The following SETX variants were observed in gnomAD, a reference collection of about 807,000 sequenced individuals.
The protein encoded by SETX is senataxin, also known as helicase senataxin.
A neutral mutation model predicts 227.2 loss-of-function variants in SETX; 90 were observed. The ratio of observed to expected loss-of-function variants is 0.40; its 90% CI spans 0.33 to 0.47. SETX has a LOEUF of 0.47. Among genes scored for constraint, SETX ranks in the 20% least tolerant of loss-of-function variants. The pLI is 0.91. For missense variants in SETX, 3,052 were observed against 3,181.5 expected (o/e 0.96, Z 0.98); for synonymous variants, 1,210 against 1,113.2 (o/e 1.09, Z -1.73).
intron 25 of SETX, chr9:132,266,322 A>C (rs1178153155): frequency 1.3e-5 from 2 of 152,196 alleles, no homozygotes; most frequent in Non-Finnish European, 2.9e-5. Flanking sequence ...AGCATTTCTG[A>C]CCTTGGGGAG....
chr9:132,335,322 C>A (rs534144072), intron 6 of SETX, among the ~76,000 whole-genome samples: 2 of 122,110 alleles, frequency 1.6e-5, no homozygotes, highest in Admixed American at 2.3e-4. Context: ...ACCCAGGAGG[C>A]GGATCTTGCA....
At chr9:132,353,921 A>C (rs1045983087) in intron 1 of SETX, among the ~76,000 whole-genome samples, 166 bp from the exon 2 acceptor site, 3 of 152,206 alleles carry the variant, frequency 2.0e-5, no homozygotes, top group Admixed American at 2.0e-4. Flanking sequence ...CAGAACTGCA[A>C]TTCTGACTCC....
chr9:132,283,293 C>T lies in SETX; in HGVS notation c.6517G>A (p.Val2173Ile), dbSNP rs771101284. Residue 2173 changes from valine to isoleucine, a missense_variant, in exon 19 of 26, where the codon GTC (valine) becomes ATC (isoleucine). By Grantham distance (29) the Val-to-Ile change is conservative. Transcript: ENST00000224140. The part of the protein sequence containing the change: ...LESAFRGQGG[V>I]PFSCVIVDEA... ...TCAACAATGACACAGCTGAAGGGGA[C>T]ACCCCCTTGCCCACGGAAAGCAGAC... 22 of 1,614,000 alleles carry T rather than the reference C, an allele frequency of 1.4e-5. No homozygotes were observed. Among genetic ancestry groups the T allele is most frequent in the South Asian group, 8.8e-5 (8 of 91,088 alleles).
At chr9:132,299,995 T>C (rs1348458960) in intron 12 of SETX, among the ~76,000 whole-genome samples, 4 of 151,898 alleles carry the variant, frequency 2.6e-5, no homozygotes, top group Non-Finnish European at 5.9e-5. Context: ...CCGGGACTGG[T>C]GGCGGATGCC....
intron 12 of SETX, among the ~76,000 whole-genome samples, chr9:132,299,730 C>T (rs576640203): frequency 6.6e-6 from 1 of 152,324 alleles, no homozygotes; most frequent in Non-Finnish European, 1.5e-5. Flanking sequence ...CCAATTAACA[C>T]TGATGACAGC....
chr9:132,343,748 A>T (rs1406350439), intron 4 of SETX, among the ~76,000 whole-genome samples: 1 of 152,160 alleles, frequency 6.6e-6, no homozygotes. Flanking sequence ...TGGCTACACA[A>T]ATCTGTTTGA....
intron 5 of SETX, among the ~76,000 whole-genome samples, chr9:132,342,480 C>T (rs546738697): frequency 1.3e-5 from 2 of 152,208 alleles, no homozygotes; most frequent in Non-Finnish European, 2.9e-5. Context: ...CTTTTAAGAT[C>T]AAGCATCACC....
chr9:132,264,873 G>A lies in SETX; in HGVS notation c.7400C>T (p.Pro2467Leu), dbSNP rs754653139. The change falls in exon 26 of 26, where the codon CCT becomes CTT. Residue 2467 changes from proline to leucine, a missense_variant. Pro to Leu is a moderately conservative substitution (Grantham distance 98). Coordinates refer to ENST00000224140, the MANE Select transcript of SETX (RefSeq NM_015046.7). ...GTGAGTGAGACTTCTCTGCAGCACAGGCTTGAGTTTCAGAATCTTCACTGC... is the reference window on the plus strand; with the variant it reads ...GTGAGTGAGACTTCTCTGCAGCACAAGCTTGAGTTTCAGAATCTTCACTGC... ...HDAVKILKLK[P>L]VLQRSLTHPP... 2 of 1,614,100 alleles carry A rather than the reference G, an allele frequency of 1.2e-6. No homozygotes were observed.
Position 132,329,592 on chromosome 9 carries a change from T to G in SETX, c.2006A>C (p.Asn669Thr), listed in dbSNP as rs1355282618. 2.5e-6 allele frequency: 4 copies of G among 1,613,840 alleles called. No individual in the cohort carries two copies. The South Asian group carries it at 4.4e-5, about 18-fold the overall frequency. ...KADNTIEGDNNEQNYIKDVKL... is the reference protein window; with the variant it reads ...KADNTIEGDNTEQNYIKDVKL... Reference sequence around the variant, plus strand: ...CACATCCTTTATATAATTTTGCTCATTATTGTCACCTTCTATAGTGTTATC... The same window carrying G: ...CACATCCTTTATATAATTTTGCTCAGTATTGTCACCTTCTATAGTGTTATC... The change falls in exon 10 of 26, where the codon AAT becomes ACT. Residue 669 changes from asparagine to threonine, a missense_variant. Coordinates refer to ENST00000224140, the MANE Select transcript of SETX (RefSeq NM_015046.7).
At chr9:132,295,067 A>G (rs992626897) in intron 15 of SETX, among the ~76,000 whole-genome samples, 1 of 152,238 alleles carries the variant, frequency 6.6e-6, no homozygotes, top group African/African-American at 2.4e-5. Flanking sequence ...ATACAAAGCC[A>G]TAACTATACC....
chr9:132,336,316 T>G lies in SETX; in HGVS notation c.698A>C (p.Asn233Thr), dbSNP rs766723051. 1.2e-6 allele frequency: 2 copies of G among 1,613,100 alleles called. No individual in the cohort carries two copies. The highest frequency in any genetic ancestry group is 1.1e-5 in the South Asian group (1 of 91,060). Reference sequence around the variant, plus strand: ...CTCACCTAACCAATAGCTTTTGTAGTTGGTAGTATCATACATGTGTGAGGG... The same window carrying G: ...CTCACCTAACCAATAGCTTTTGTAGGTGGTAGTATCATACATGTGTGAGGG... Reference protein sequence around the residue: ...LLPSHMYDTTNYKSYWLGICM... With the variant: ...LLPSHMYDTTTYKSYWLGICM... Residue 233 changes from asparagine to threonine, a missense_variant, in exon 6 of 26, where the codon AAC becomes ACC. Asn to Thr is a moderately conservative substitution (Grantham distance 65, BLOSUM62 0). This residue lies in a region of SETX where 239 missense variants were observed against 240.8 expected (regional missense o/e 0.99). Coordinates refer to ENST00000224140, the MANE Select transcript of SETX (RefSeq NM_015046.7).
At chr9:132,275,540 CT>C (rs1589618930) in intron 22 of SETX, 120 bp from the exon 23 acceptor site, 1 of 809,284 alleles carries the variant, frequency 1.2e-6, no homozygotes, top group Non-Finnish European at 2.0e-6. Context: ...TAGGCTTCAT[CT>C]TTTATTCAGC....
At chr9:132,300,203 A>G (rs919349311) in intron 12 of SETX, among the ~76,000 whole-genome samples, 9 of 151,958 alleles carry the variant, frequency 5.9e-5, no homozygotes, top group Non-Finnish European at 1.3e-4. Flanking sequence ...ATTTAGGCTA[A>G]TATTTTTGTT....
intron 23 of SETX, 116 bp downstream of exon 23, chr9:132,275,140 C>G: frequency 9.0e-7 from 1 of 1,105,350 alleles, no homozygotes; most frequent in Non-Finnish European, 1.4e-6. Context: ...CTTCCTCGTG[C>G]CGTATCACCA....
chr9:132,287,366 T>TA (rs775193272), intron 17 of SETX, among the ~76,000 whole-genome samples: 11 of 152,262 alleles, frequency 7.2e-5, no homozygotes, highest in Middle Eastern at 3.4e-3. Flanking sequence ...CACACGGCTG[T>TA]AGTCCCAGCT....
At position 132,264,022 on chromosome 9, in the gene SETX, G is replaced by T. The variant is rs1352834200; in HGVS notation, c.*217C>A. On this transcript the variant is annotated 3_prime_UTR_variant, in exon 26 of 26. Coordinates refer to ENST00000224140, the MANE Select transcript of SETX (RefSeq NM_015046.7). ...AACATTTCCAGTCTCTGACTTCAAG[G>T]ACATTATTACGGATACACAATGCCC... The T allele has an allele frequency of 1.6e-6, 1 of 611,310 alleles. No individual in the cohort carries two copies. Among genetic ancestry groups the T allele is most frequent in the African/African-American group, 1.8e-5 (1 of 54,072 alleles). The allele number at this position is 611,310 out of a possible 1,614,324, so 37.9% of individuals were successfully genotyped here.
rs778593322 is a variant in SETX at position 132,328,123 on chromosome 9, T to C, written c.3475A>G (p.Lys1159Glu). 7 of 1,614,088 alleles carry C rather than the reference T, an allele frequency of 4.3e-6. No homozygotes were observed. In the South Asian group the frequency reaches 7.7e-5, roughly 18 times the overall value. The part of the protein sequence containing the change: ...VEEFCEIEVK[K>E]PKRKRSEKPM... ...TTTTCAGATCGTTTTCTCTTAGGCT[T>C]TTTTACTTCAATTTCACAAAATTCT... is the stretch of plus-strand genomic sequence containing the variant. The change falls in exon 10 of 26, where the codon AAG becomes GAG. Residue 1159 changes from lysine to glutamate, a missense_variant. Physicochemically the swap from Lys to Glu is moderately conservative, Grantham distance 56. This residue lies in a region of SETX where 1,483 missense variants were observed against 1,312.0 expected (regional missense o/e 1.13). Transcript: ENST00000224140.
chr9:132,266,780 A>AC (rs1456578720), intron 25 of SETX, among the ~76,000 whole-genome samples: 1 of 151,962 alleles, frequency 6.6e-6, no homozygotes, highest in East Asian at 1.9e-4. Context: ...TCAAAAAAAA[A>AC]CCCCCAAAAA....
At chr9:132,283,466 T>C in intron 18 of SETX, 53 bp from the exon 19 acceptor site, 2 of 1,596,818 alleles carry the variant, frequency 1.3e-6, no homozygotes, top group African/African-American at 1.3e-5. Flanking sequence ...TCCTTGACTA[T>C]GACAGGCCTA....
Sources: allele counts gnomAD v4.1 joint callset (sites outside exome capture counted in the v4.1 genomes callset), GRCh38; gene constraint gnomAD v4.1.1; regional missense constraint gnomAD v4.1.1; transcripts MANE v1.5; gene names NCBI Gene and HGNC (gene_info 2026-07-23, HGNC 2026-07-21).